The following EEA1 variants were observed in gnomAD, a reference collection of about 807,000 sequenced individuals.
The protein encoded by EEA1 is early endosome antigen 1, 162kD.
A neutral mutation model predicts 209.2 loss-of-function variants in EEA1; 111 were observed. The ratio of observed to expected loss-of-function variants is 0.53; its 90% CI spans 0.45 to 0.62. The LOEUF is 0.62. EEA1 is among the 20% of genes least tolerant of loss of function. EEA1 has a pLI of 0.00. For missense variants in EEA1, 1,343 were observed against 1,530.8 expected, an observed-to-expected ratio of 0.88 and a Z score of 2.05; for synonymous variants, 536 against 540.6, an observed-to-expected ratio of 0.99 and a Z score of 0.12.
chr12:92,921,109 G>T (rs1014891249), intron 1 of EEA1, among the ~76,000 whole-genome samples: 1 of 152,200 alleles, frequency 6.6e-6, no homozygotes, highest in South Asian at 2.1e-4. Flanking sequence ...AGAGGTGCTG[G>T]AGAGGATGTG....
chr12:92,913,332 T>G (rs1418107026), intron 1 of EEA1, among the ~76,000 whole-genome samples: 1 of 152,206 alleles, frequency 6.6e-6, no homozygotes, highest in African/African-American at 2.4e-5. Flanking sequence ...TGTTGGTCAC[T>G]TGTATGTCCT....
chr12:92,892,254 C>T (rs1372383460), intron 1 of EEA1, among the ~76,000 whole-genome samples: 1 of 152,096 alleles, frequency 6.6e-6, no homozygotes, highest in Non-Finnish European at 1.5e-5. Context: ...CCACACCCAG[C>T]TAATTTGTTG....
chr12:92,922,101 A>G (rs1460616046), intron 1 of EEA1, among the ~76,000 whole-genome samples: 1 of 152,046 alleles, frequency 6.6e-6, no homozygotes, highest in Non-Finnish European at 1.5e-5. Context: ...TATTTGACTC[A>G]ACTTCTCTTC....
At chr12:92,797,720 T>C (rs1874720185) in intron 21 of EEA1, among the ~76,000 whole-genome samples, 1 of 152,150 alleles carries the variant, frequency 6.6e-6, no homozygotes, top group South Asian at 2.1e-4. Flanking sequence ...ACTGTGATAA[T>C]TACATGTTGA....
At chr12:92,804,348 G>T (rs1287348791) in intron 18 of EEA1, among the ~76,000 whole-genome samples, 4 of 151,974 alleles carry the variant, frequency 2.6e-5, no homozygotes, top group Admixed American at 6.6e-5. Flanking sequence ...CAAGGTGGGC[G>T]GATCACAAGG....
At chr12:92,849,260 AT>A (rs1035887703) in intron 9 of EEA1, among the ~76,000 whole-genome samples, 12 of 151,580 alleles carry the variant, frequency 7.9e-5, no homozygotes, top group Admixed American at 5.3e-4. Context: ...AAGGGAGTGT[AT>A]TTTTTTTTAA....
chr12:92,802,168 A>T (rs1328072573), intron 19 of EEA1, among the ~76,000 whole-genome samples: 1 of 152,052 alleles, frequency 6.6e-6, no homozygotes, highest in Non-Finnish European at 1.5e-5. Flanking sequence ...AAAGACTAAT[A>T]TTCAACTGAA....
chr12:92,854,358 T>G (rs1335706179), intron 5 of EEA1, among the ~76,000 whole-genome samples: 1 of 152,218 alleles, frequency 6.6e-6, no homozygotes, highest in African/African-American at 2.4e-5. Context: ...AACACTAACA[T>G]AGTTTGCTAC....
chr12:92,851,405 G>C (rs1393815780), intron 8 of EEA1, 139 bp from the exon 9 acceptor site: 2 of 792,152 alleles, frequency 2.5e-6, no homozygotes, highest in African/African-American at 1.8e-5. Flanking sequence ...ATTGAACACT[G>C]ATATCTTCTC....
At chr12:92,815,962 A>G (rs547349065) in intron 15 of EEA1, among the ~76,000 whole-genome samples, 2 of 150,540 alleles carry the variant, frequency 1.3e-5, no homozygotes, top group African/African-American at 4.9e-5. Flanking sequence ...AGAGAGGGAG[A>G]GGAGAAAGGA....
At chr12:92,860,489 G>A (rs757885881) in intron 3 of EEA1, among the ~76,000 whole-genome samples, 1 of 152,158 alleles carries the variant, frequency 6.6e-6, no homozygotes, top group Non-Finnish European at 1.5e-5. Context: ...GTATTCTGGG[G>A]TATGGCCTTA....
chr12:92,800,990 G>A (rs1036932738), intron 20 of EEA1, among the ~76,000 whole-genome samples: 2 of 152,160 alleles, frequency 1.3e-5, no homozygotes, highest in African/African-American at 4.8e-5. Context: ...AGATTTTCTA[G>A]AAAGTTGCAT....
intron 3 of EEA1, among the ~76,000 whole-genome samples, chr12:92,862,067 GA>G (rs1878178523): frequency 6.6e-6 from 1 of 152,136 alleles, no homozygotes; most frequent in Non-Finnish European, 1.5e-5. Flanking sequence ...AAGGTTTCAT[GA>G]CCCACCTGAG....
rs540645394 is a variant in EEA1 at position 92,884,658 on chromosome 12, G to A, written c.117+6971C>T. On this transcript the variant is annotated intron_variant, in intron 2 of 28. Transcript: ENST00000322349. ...AAACCATGAAACCAAGGTGGCTATG[G>A]TGGTTCCAGTAGCAGCAGTAGCTAT... The A allele has an allele frequency of 5.4e-6, 7 of 1,289,312 alleles. No homozygotes were observed. In the African/African-American group the frequency reaches 1.0e-4, roughly 19 times the overall value. 79.9% of individuals were successfully genotyped at this position (1,289,312 alleles called of 1,614,324 possible). A position where few individuals can be genotyped will look rare whatever the true frequency, so the allele number is the denominator to read the frequency against.
At chr12:92,828,210 G>T in intron 11 of EEA1, 149 bp from the exon 12 acceptor site, 1 of 529,358 alleles carries the variant, frequency 1.9e-6, no homozygotes, top group Non-Finnish European at 2.9e-6. Flanking sequence ...ATTTTATACA[G>T]TAATTTTAAC....
chr12:92,791,927 C>T (rs1337750915), intron 21 of EEA1, among the ~76,000 whole-genome samples: 4 of 152,206 alleles, frequency 2.6e-5, no homozygotes, highest in Non-Finnish European at 5.9e-5. Context: ...AACTGTCTCT[C>T]AGATCACAGT....
chr12:92,913,523 T>C (rs1880654603), intron 1 of EEA1, among the ~76,000 whole-genome samples: 1 of 152,254 alleles, frequency 6.6e-6, no homozygotes, highest in African/African-American at 2.4e-5. Flanking sequence ...CAATTTTTAC[T>C]TTAATTCCCA....
chr12:92,895,486 C>A (rs1879840357), intron 1 of EEA1: 1 of 146,822 alleles, frequency 6.8e-6, no homozygotes, highest in Non-Finnish European at 1.5e-5. Context: ...TATTTTAAGC[C>A]CACTATTAAG....
chr12:92,906,771 G>A (rs560641309), intron 1 of EEA1, among the ~76,000 whole-genome samples: 8 of 152,098 alleles, frequency 5.3e-5, no homozygotes, highest in East Asian at 1.9e-4. Context: ...CCAAGATTGC[G>A]CCACTGCACT....
Sources: allele counts gnomAD v4.1 joint callset (sites outside exome capture counted in the v4.1 genomes callset), GRCh38; gene constraint gnomAD v4.1.1; transcripts MANE v1.5; gene names NCBI Gene and HGNC (gene_info 2026-07-23, HGNC 2026-07-21).